The following NCOR2 variants were observed in gnomAD, a reference collection of about 807,000 sequenced individuals.
NCOR2 encodes CTG repeat protein 26.
Under a neutral mutation model 262.9 loss-of-function variants are expected in NCOR2, and 81 were observed. The observed-to-expected ratio is 0.31, with a 90% CI of 0.26 to 0.37. The LOEUF (loss-of-function observed/expected upper bound fraction) is 0.37, where lower values mean the gene tolerates loss of function less well. Ranked by LOEUF, NCOR2 falls within the 10% of genes least tolerant of loss-of-function variation. The pLI, the probability that NCOR2 is intolerant of heterozygous loss-of-function variation, is 1.00. For synonymous variants in NCOR2, 1,659 were observed against 1,559.3 expected, an observed-to-expected ratio of 1.06 and a Z score of -1.51; for missense variants, 3,385 against 3,621.4, an observed-to-expected ratio of 0.93 and a Z score of 1.68.
chr12:124,378,093 A>G lies in NCOR2; in HGVS notation c.2167+144T>C, dbSNP rs1234656292. 6 of 1,482,336 alleles carry G rather than the reference A, an allele frequency of 4.0e-6. No homozygotes were observed. The highest frequency in any genetic ancestry group is 5.4e-6 in the Non-Finnish European group (6 of 1,116,330). 91.8% of individuals were successfully genotyped at this position (1,482,336 alleles called of 1,614,324 possible). A position where few individuals can be genotyped will look rare whatever the true frequency, so the allele number is the denominator to read the frequency against. ...TGAGTTTCTGGCAAGTCAGGCCCGC[A>G]CCTTCCAGGGAGTCGAGGCCCCTTC... On this transcript the variant is annotated intron_variant, in intron 18 of 46. Coordinates refer to ENST00000405201, the Ensembl canonical transcript of NCOR2. The surrounding 1 kb of genome is among the most constrained non-coding windows in gnomAD (Gnocchi z 4.2).
intron 16 of NCOR2, chr12:124,388,887 AGGG>A (rs2136132959): frequency 1.4e-5 from 2 of 145,316 alleles, no homozygotes; most frequent in Non-Finnish European, 2.7e-5. Context: ...GGAGGGAGGG[AGGG>A]AGGGAGCGAG....
chr12:124,544,846 C>T (rs756827269), intron 1 of NCOR2, among the ~76,000 whole-genome samples: 1 of 151,954 alleles, frequency 6.6e-6, no homozygotes, highest in South Asian at 2.1e-4. Context: ...CAGGAGACTG[C>T]GACCCCTGTG....
rs142107751 is a variant in NCOR2 at position 124,369,498 on chromosome 12, G to A, written c.2807+2524C>T. Among the ~76,000 whole-genome samples the A allele has an allele frequency of 3.9e-3, 600 of 152,106 alleles. 5 individuals carry two copies. Among genetic ancestry groups the A allele is most frequent in the Admixed American group, 8.0e-3 (123 of 15,308 alleles). On this transcript the variant is annotated intron_variant, in intron 20 of 46. Transcript: ENST00000405201. ...CCCGCCCGTCCCACCAGCCCTTCCC[G>A]GGAGGCCCTGGCTGCCAGGGCCTAC...
chr12:124,441,030 G>T (rs905692077), intron 7 of NCOR2, among the ~76,000 whole-genome samples: 2 of 152,140 alleles, frequency 1.3e-5, no homozygotes, highest in African/African-American at 4.8e-5. Flanking sequence ...AGTCCTGCAG[G>T]GTCCTGTGAG....
At chr12:124,396,984 A>G (rs1184412383) in intron 16 of NCOR2, among the ~76,000 whole-genome samples, 3 of 152,200 alleles carry the variant, frequency 2.0e-5, no homozygotes, top group Non-Finnish European at 4.4e-5. Context: ...CCACGGGACC[A>G]AGCACGGGAC....
intron 1 of NCOR2, among the ~76,000 whole-genome samples, chr12:124,555,737 T>C (rs751284798): frequency 1.3e-5 from 2 of 152,148 alleles, no homozygotes; most frequent in East Asian, 1.9e-4. Context: ...ACTTGGTTCC[T>C]TGGGGAGAGG....
intron 1 of NCOR2, among the ~76,000 whole-genome samples, chr12:124,507,870 G>C (rs1426615694): frequency 2.0e-5 from 3 of 152,196 alleles, no homozygotes; most frequent in Admixed American, 6.5e-5. Flanking sequence ...TCCAACATCT[G>C]GCAAACACAT....
At chr12:124,332,534 A>T in intron 42 of NCOR2, 67 bp from the exon 45 acceptor site, 1 of 1,603,544 alleles carries the variant, frequency 6.2e-7, no homozygotes, top group African/African-American at 1.3e-5. Context: ...GATGATGGGG[A>T]ACTCACCACC....
chr12:124,325,426 G>A (rs761921968), exon 47 of NCOR2: 32 of 1,288,258 alleles, frequency 2.5e-5, no homozygotes, highest in Middle Eastern at 3.0e-4. Context: ...AGAGTGTCTC[G>A]TACTGCGAGC....
chr12:124,345,054 A>T (rs1445034867), intron 31 of NCOR2, 103 bp from the exon 34 acceptor site: 1 of 1,078,738 alleles, frequency 9.3e-7, no homozygotes, highest in African/African-American at 1.6e-5. Context: ...TATAAGATGG[A>T]AGTGACATCT....
intron 5 of NCOR2, among the ~76,000 whole-genome samples, chr12:124,458,594 C>T (rs764849786): frequency 9.2e-5 from 14 of 152,224 alleles, no homozygotes; most frequent in Non-Finnish European, 1.9e-4. Flanking sequence ...AGCCAAGCGT[C>T]GGGCATACGG....
intron 16 of NCOR2, among the ~76,000 whole-genome samples, chr12:124,397,037 C>T (rs2041719897): frequency 6.6e-6 from 1 of 152,232 alleles, no homozygotes. Flanking sequence ...CAGCCCCACA[C>T]ACCAGCTCCG....
Position 124,483,690 on chromosome 12 carries a change from T to C in NCOR2, c.317A>G (p.Lys106Arg). The stretch of plus-strand genomic sequence containing the variant: ...AGGCAGCAGCTCTAGCCGAGGGCGC[T>C]TGCTTTCAATGAACTCCATCTCTGA... Residue 106 changes from lysine to arginine, a missense_variant, in exon 3 of 47, where the codon AAG becomes AGG. This residue lies in a region of NCOR2 where 237 missense variants were observed against 229.4 expected (regional missense o/e 1.03). Coordinates refer to ENST00000405201, the Ensembl canonical transcript of NCOR2. The surrounding 1 kb of genome is among the most constrained non-coding windows in gnomAD (Gnocchi z 6.3). 1.2e-6 allele frequency: 2 copies of C among 1,612,002 alleles called. No homozygotes were observed. The highest frequency in any genetic ancestry group is 1.7e-6 in the Non-Finnish European group (2 of 1,179,180).
rs192897275 is a variant in NCOR2 at position 124,506,223 on chromosome 12, C to T, written c.-117-10855G>A. Among the ~76,000 whole-genome samples the T allele has an allele frequency of 3.3e-5, 5 of 152,328 alleles. No homozygotes were observed. In the East Asian group the frequency reaches 5.8e-4, roughly 18 times the overall value. On this transcript the variant is annotated intron_variant, in intron 1 of 46. Transcript: ENST00000404621. ...CTGAACAGATCAGAAAACTGAGGCT[C>T]GGAAAGGTGAACTGACTTGCCCAAG...
intron 1 of NCOR2, among the ~76,000 whole-genome samples, chr12:124,522,747 C>T (rs910086836): frequency 6.6e-6 from 1 of 152,258 alleles, no homozygotes; most frequent in Non-Finnish European, 1.5e-5. Flanking sequence ...TTTCCTTTCC[C>T]GCTAGTTCCA....
intron 7 of NCOR2, among the ~76,000 whole-genome samples, chr12:124,447,182 G>A (rs951315046): frequency 3.9e-5 from 6 of 152,312 alleles, no homozygotes; most frequent in Non-Finnish European, 7.3e-5. Context: ...TCCAAAGCGC[G>A]GGGATTACAG....
At chr12:124,559,699 A>C (rs907149055) in intron 1 of NCOR2, among the ~76,000 whole-genome samples, 10 of 152,232 alleles carry the variant, frequency 6.6e-5, no homozygotes, top group Non-Finnish European at 7.3e-5. Flanking sequence ...GGCAAAGGGA[A>C]AAAAAATGAG....
At chr12:124,410,086 C>A (rs909351315) in intron 13 of NCOR2, among the ~76,000 whole-genome samples, 2 of 151,080 alleles carry the variant, frequency 1.3e-5, no homozygotes, top group African/African-American at 4.9e-5. Context: ...GTGAGCCTGC[C>A]AGGGCCCCTC....
intron 20 of NCOR2, among the ~76,000 whole-genome samples, chr12:124,368,773 C>T (rs1003578944): frequency 2.5e-4 from 38 of 152,370 alleles, no homozygotes; most frequent in African/African-American, 8.2e-4. Flanking sequence ...CTGCCCATCA[C>T]CCACTCATCC....
Sources: gnomAD v4.1 joint callset for allele counts (sites outside exome capture counted in the v4.1 genomes callset) on GRCh38, gnomAD v4.1.1 for gene constraint, gnomAD v4.1.1 regional missense constraint, Gnocchi (gnomAD v3.1) non-coding constraint, MANE v1.5 for transcripts, NCBI Gene and HGNC (gene_info 2026-07-23, HGNC 2026-07-21) for gene names.